Variants in FBXO27 observed in about 807,000 individuals in gnomAD.
FBXO27 encodes F-box only protein 27.
In FBXO27, 28 loss-of-function variants were observed where a neutral mutation model predicts 28.3. The ratio of observed to expected loss-of-function variants is 0.99; its 90% CI spans 0.73 to 1.36. The LOEUF is 1.36. Ranked by LOEUF, FBXO27 falls within the 40% of genes most tolerant of loss-of-function variation. The probability of loss-of-function intolerance (pLI) is 0.00; values close to 1 mark genes in which losing one functional copy is unlikely to be tolerated. For missense variants in FBXO27, 388 were observed against 394.1 expected (o/e 0.98, Z 0.13); for synonymous variants, 175 against 167.3 (o/e 1.05, Z -0.36).
intron 4 of FBXO27, 91 bp downstream of exon 4, chr19:39,030,938 G>A: frequency 1.9e-6 from 2 of 1,041,102 alleles, no homozygotes; most frequent in Non-Finnish European, 3.0e-6. Flanking sequence ...TGTAAGGAGG[G>A]GTTAGGAGGC....
intron 2 of FBXO27, among the ~76,000 whole-genome samples, chr19:39,009,802 T>TG (rs551319828): frequency 1.6e-3 from 238 of 151,832 alleles, no homozygotes; most frequent in Middle Eastern, 0.014. Context: ...GGTTTTTTTT[T>TG]TTGTTGTTGT....
At chr19:39,031,404 C>A in intron 2 of FBXO27, 84 bp from the exon 3 acceptor site, 1 of 1,268,646 alleles carries the variant, frequency 7.9e-7, no homozygotes, top group Non-Finnish European at 1.1e-6. Context: ...GCCCCTCCCA[C>A]GTGCTCACAG....
At chr19:39,014,228 G>C (rs992717890) in intron 2 of FBXO27, among the ~76,000 whole-genome samples, 1 of 152,192 alleles carries the variant, frequency 6.6e-6, no homozygotes, top group African/African-American at 2.4e-5. Context: ...GCAGTATCAG[G>C]TTTTGGCTTA....
At chr19:39,016,001 G>A (rs1013889382) in intron 1 of FBXO27, among the ~76,000 whole-genome samples, 1 of 152,180 alleles carries the variant, frequency 6.6e-6, no homozygotes, top group African/African-American at 2.4e-5. Flanking sequence ...GAACCCGGGA[G>A]GCGGAGGTTG....
downstream of FBXO27, among the ~76,000 whole-genome samples, chr19:39,023,100 C>T (rs2072853331): frequency 6.6e-6 from 1 of 152,088 alleles, no homozygotes; most frequent in Admixed American, 6.6e-5. Context: ...CCACCATGCC[C>T]AGCAATTTTT....
In FBXO27 at chr19:39,031,337, G is replaced by A. The variant is rs1374072972; in HGVS notation, c.365-17C>T. On this transcript the variant is annotated splice_polypyrimidine_tract_variant and intron_variant, in intron 2 of 5. Transcript: ENST00000292853. ...GGAGGCCTTCTGTGAAATAAAAAAG[G>A]CTTGTGCCCAAGTTCCAGTCGCCCG... The A allele has an allele frequency of 3.7e-6, 6 of 1,612,778 alleles. No individual in the cohort carries two copies. Among genetic ancestry groups the A allele is most frequent in the South Asian group, 1.1e-5 (1 of 91,032 alleles).
At chr19:39,012,412 G>A (rs2072799870) in intron 2 of FBXO27, among the ~76,000 whole-genome samples, 1 of 146,454 alleles carries the variant, frequency 6.8e-6, no homozygotes, top group South Asian at 2.2e-4. Flanking sequence ...TCAAACTCCC[G>A]ACCTCAGGAG....
chr19:39,022,709 C>T (rs569955720), downstream of FBXO27, among the ~76,000 whole-genome samples: 76 of 152,256 alleles, frequency 5.0e-4, no homozygotes, highest in African/African-American at 1.8e-3. Flanking sequence ...CTCTGCCTCC[C>T]GGGTTCAAGC....
At chr19:39,010,282 A>C (rs2144880558) in intron 2 of FBXO27, among the ~76,000 whole-genome samples, 1 of 152,160 alleles carries the variant, frequency 6.6e-6, no homozygotes, top group South Asian at 2.1e-4. Context: ...ACTTTGACTT[A>C]ATTTCTGTAG....
chr19:39,007,941 C>T (rs1293856907), intron 2 of FBXO27, among the ~76,000 whole-genome samples: 6 of 151,802 alleles, frequency 4.0e-5, no homozygotes, highest in African/African-American at 7.3e-5. Flanking sequence ...TGTGAGCCAC[C>T]GCACTCTGCC....
rs371340109 is a variant in FBXO27, at chr19:39,006,187, C to T, written c.252+8200G>A. 2.6e-5 allele frequency among the ~76,000 whole-genome samples: 4 copies of T among 151,986 alleles called. No homozygotes were observed. The South Asian group carries it at 6.2e-4, about 24-fold the overall frequency. On this transcript the variant is annotated intron_variant, in intron 2 of 2. Coordinates refer to the FBXO27 transcript ENST00000598394. ...CTGTAATCTTAGCACTTGAGGCTGC[C>T]GAGGTGGGCGGATCACTTGAGGTCA...
At chr19:39,020,301 A>C (rs2072839161), downstream of FBXO27, among the ~76,000 whole-genome samples, 1 of 152,108 alleles carries the variant, frequency 6.6e-6, no homozygotes. Context: ...GGACAACAAG[A>C]ACCCTTCTTC....
At chr19:39,013,136 T>C (rs1200603220) in intron 2 of FBXO27, among the ~76,000 whole-genome samples, 1 of 152,200 alleles carries the variant, frequency 6.6e-6, no homozygotes, top group African/African-American at 2.4e-5. Context: ...GTGTGTGTTG[T>C]AGCAGGAGAG....
Position 39,025,519 on chromosome 19 carries a change from GA to G in FBXO27, c.743del (p.Val248AlafsTer24). 1 of 1,614,158 alleles carries G rather than the reference GA, an allele frequency of 6.2e-7. No individual in the cohort carries two copies. The highest frequency in any genetic ancestry group is 8.5e-7 in the Non-Finnish European group (1 of 1,180,020). ...THVFSNIKMG[V>X]RFVSFEHRGQ... The stretch of plus-strand genomic sequence containing the variant: ...CCCGGTGTTCGAAAGACACAAAGCG[GA>G]CGCCCATCTTGATGTTGGAGAACAC... On this transcript the variant is annotated frameshift_variant, in exon 6 of 6. Coordinates refer to ENST00000292853, the MANE Select transcript of FBXO27 (RefSeq NM_178820.5). LOFTEE classifies it low-confidence loss of function (END_TRUNC).
At chr19:39,013,238 C>T (rs2072804269) in intron 2 of FBXO27, among the ~76,000 whole-genome samples, 2 of 152,138 alleles carry the variant, frequency 1.3e-5, no homozygotes, top group African/African-American at 4.8e-5. Flanking sequence ...TGAGGCGTCT[C>T]CCAAGTGTCC....
intron 2 of FBXO27, among the ~76,000 whole-genome samples, chr19:39,011,702 G>C (rs1402205433): frequency 6.7e-6 from 1 of 148,342 alleles, no homozygotes; most frequent in African/African-American, 2.5e-5. Context: ...GCGGGGGAGG[G>C]GGGGTCTCCC....
chr19:39,014,966 C>T (rs1399790405), intron 1 of FBXO27, among the ~76,000 whole-genome samples: 2 of 148,416 alleles, frequency 1.3e-5, no homozygotes, highest in Admixed American at 6.8e-5. Context: ...TGCAGTGAGC[C>T]GAGATCACGC....
chr19:39,008,532 G>T (rs2072780979), intron 2 of FBXO27, among the ~76,000 whole-genome samples: 2 of 151,966 alleles, frequency 1.3e-5, no homozygotes, highest in Non-Finnish European at 2.9e-5. Flanking sequence ...CACTATTTTA[G>T]CCATTTAAAA....
At chr19:39,017,572 G>A (rs1452647124) in intron 1 of FBXO27, among the ~76,000 whole-genome samples, 1 of 151,228 alleles carries the variant, frequency 6.6e-6, no homozygotes, top group Admixed American at 6.6e-5. Flanking sequence ...GCACGTGCCT[G>A]TAATGCCACT....
Sources: gnomAD v4.1 joint callset for allele counts (sites outside exome capture counted in the v4.1 genomes callset) on GRCh38, gnomAD v4.1.1 for gene constraint, MANE v1.5 for transcripts, NCBI Gene and HGNC (gene_info 2026-07-23, HGNC 2026-07-21) for gene names.